Variants in STK32B observed in about 807,000 individuals in gnomAD.
STK32B encodes serine/threonine kinase 32B.
In STK32B, 43 loss-of-function variants were observed where a neutral mutation model predicts 52.6. That is an observed-to-expected ratio of 0.82 (90% CI 0.64 to 1.05). The LOEUF is 1.05. STK32B is among the 50% of genes least tolerant of loss of function. The pLI is 0.00. For missense variants in STK32B, 621 were observed against 534.6 expected, an observed-to-expected ratio of 1.16 and a Z score of -1.59; for synonymous variants, 238 against 204.3, an observed-to-expected ratio of 1.17 and a Z score of -1.41.
At chr4:5,373,075 G>C (rs756485374) in intron 4 of STK32B, among the ~76,000 whole-genome samples, 2 of 152,186 alleles carry the variant, frequency 1.3e-5, no homozygotes, top group South Asian at 4.1e-4. Flanking sequence ...TGTGGAGGGT[G>C]GGGAGGGGAG....
At chr4:5,475,298 G>C (rs992056818) in intron 11 of STK32B, among the ~76,000 whole-genome samples, 1 of 151,294 alleles carries the variant, frequency 6.6e-6, no homozygotes, top group Non-Finnish European at 1.5e-5. Context: ...GGTGGCAGGC[G>C]CCTGTAATCC....
chr4:5,241,371 A>G (rs561043077), intron 3 of STK32B, among the ~76,000 whole-genome samples: 4 of 152,260 alleles, frequency 2.6e-5, no homozygotes, highest in African/African-American at 9.6e-5. Flanking sequence ...TGTAAATTGC[A>G]TAATAATTTT....
At chr4:5,187,870 A>G (rs1287562101) in intron 3 of STK32B, among the ~76,000 whole-genome samples, 1 of 152,226 alleles carries the variant, frequency 6.6e-6, no homozygotes, top group African/African-American at 2.4e-5. Context: ...CTCAAAAATA[A>G]CAAGATGAGT....
chr4:5,465,128 T>C (rs529860546), intron 9 of STK32B, among the ~76,000 whole-genome samples: 53 of 152,218 alleles, frequency 3.5e-4, no homozygotes, highest in African/African-American at 1.2e-3. Flanking sequence ...CCTCTAGGAC[T>C]GAGAAAGCAA....
chr4:5,088,624 T>C (rs1712873657), intron 1 of STK32B, among the ~76,000 whole-genome samples: 2 of 151,992 alleles, frequency 1.3e-5, no homozygotes, highest in Admixed American at 6.6e-5. Flanking sequence ...TTGGATTGTT[T>C]GTAACACAAA....
intron 6 of STK32B, among the ~76,000 whole-genome samples, chr4:5,427,388 A>C (rs899160536): frequency 6.6e-6 from 1 of 152,318 alleles, no homozygotes; most frequent in Non-Finnish European, 1.5e-5. Context: ...CTTTGGTATT[A>C]GAGTAATGCT....
chr4:5,325,839 A>G (rs551468851), intron 3 of STK32B, among the ~76,000 whole-genome samples: 11 of 152,188 alleles, frequency 7.2e-5, no homozygotes, highest in Non-Finnish European at 1.6e-4. Flanking sequence ...TATAATTCTA[A>G]TTCTAATACA....
At chr4:5,481,188 C>T (rs996675538) in intron 11 of STK32B, among the ~76,000 whole-genome samples, 1 of 152,210 alleles carries the variant, frequency 6.6e-6, no homozygotes, top group Non-Finnish European at 1.5e-5. Flanking sequence ...AACTAGTTTA[C>T]AGTGCCACCA....
At chr4:5,103,000 G>T (rs949515101) in intron 1 of STK32B, among the ~76,000 whole-genome samples, 10 of 143,748 alleles carry the variant, frequency 7.0e-5, no homozygotes, top group Non-Finnish European at 1.1e-4. Context: ...CAGCATCCAT[G>T]TACTGGCTAC....
At chr4:5,190,222 A>G (rs1013994926) in intron 3 of STK32B, among the ~76,000 whole-genome samples, 3 of 152,184 alleles carry the variant, frequency 2.0e-5, no homozygotes, top group African/African-American at 7.2e-5. Context: ...AGGGAAGGAA[A>G]GGAAGTAACC....
intron 1 of STK32B, among the ~76,000 whole-genome samples, chr4:5,123,589 C>A (rs1347004785): frequency 6.6e-6 from 1 of 152,118 alleles, no homozygotes; most frequent in Non-Finnish European, 1.5e-5. Flanking sequence ...TCCAAGGCCT[C>A]TCTCCTTGGC....
intron 3 of STK32B, among the ~76,000 whole-genome samples, chr4:5,321,226 A>T (rs1560317800): frequency 6.6e-6 from 1 of 152,132 alleles, no homozygotes; most frequent in South Asian, 2.1e-4. Context: ...GAGATCTCCA[A>T]TGTAAAGAGC....
intron 4 of STK32B, among the ~76,000 whole-genome samples, chr4:5,363,850 A>G (rs1015747694): frequency 2.0e-5 from 3 of 152,242 alleles, no homozygotes; most frequent in South Asian, 2.1e-4. Flanking sequence ...TCCAATTTTC[A>G]TTGCTAATTA....
intron 4 of STK32B, among the ~76,000 whole-genome samples, chr4:5,387,679 G>C (rs1390946526): frequency 6.6e-6 from 1 of 152,218 alleles, no homozygotes; most frequent in Non-Finnish European, 1.5e-5. Flanking sequence ...CCCAGAGGAT[G>C]GAAATGGAAG....
At chr4:5,253,802 A>C (rs1285394540) in intron 3 of STK32B, among the ~76,000 whole-genome samples, 1 of 152,242 alleles carries the variant, frequency 6.6e-6, no homozygotes, top group Non-Finnish European at 1.5e-5. Flanking sequence ...TTTTTGTCAC[A>C]ACTAAAGAGA....
chr4:5,084,251 T>C (rs1712596277), intron 1 of STK32B, among the ~76,000 whole-genome samples: 1 of 152,218 alleles, frequency 6.6e-6, no homozygotes, highest in Non-Finnish European at 1.5e-5. Flanking sequence ...TTCACTTCTT[T>C]GTATTGGAGA....
At chr4:5,165,231 TA>T (rs1401477770) in intron 2 of STK32B, among the ~76,000 whole-genome samples, 1 of 152,202 alleles carries the variant, frequency 6.6e-6, no homozygotes, top group African/African-American at 2.4e-5. Flanking sequence ...TGGCCTCTCT[TA>T]TTTGCAAATC....
At chr4:5,019,799 G>C in the STK32B span, among the ~76,000 whole-genome samples, 1 of 152,294 alleles carries the variant, frequency 6.6e-6, no homozygotes, top group South Asian at 2.1e-4. Context: ...ATGGAAGGAG[G>C]GGAGGGTCAG....
At chr4:5,464,421 A>G (rs543656585) in intron 9 of STK32B, among the ~76,000 whole-genome samples, 1 of 152,340 alleles carries the variant, frequency 6.6e-6, no homozygotes, top group South Asian at 2.1e-4. Flanking sequence ...GCCTAGGGAT[A>G]CATCAGTGGT....
Sources: allele counts gnomAD v4.1 joint callset (sites outside exome capture counted in the v4.1 genomes callset), GRCh38; gene constraint gnomAD v4.1.1; transcripts MANE v1.5; gene names NCBI Gene and HGNC (gene_info 2026-07-23, HGNC 2026-07-21).